The following EEA1 variants were observed in gnomAD, a reference collection of about 807,000 sequenced individuals.
The protein encoded by EEA1 is early endosome antigen 1, 162kD.
In EEA1, 111 loss-of-function variants were observed where a neutral mutation model predicts 209.2. The observed-to-expected ratio is 0.53, with a 90% CI of 0.45 to 0.62. The LOEUF (loss-of-function observed/expected upper bound fraction) is 0.62, where lower values mean the gene tolerates loss of function less well. EEA1 is among the 20% of genes least tolerant of loss of function. The pLI is 0.00. For synonymous variants in EEA1, 536 were observed against 540.6 expected, an observed-to-expected ratio of 0.99 and a Z score of 0.12; for missense variants, 1,343 against 1,530.8, an observed-to-expected ratio of 0.88 and a Z score of 2.05.
chr12:92,782,245 A>G (rs1313962158), intron 22 of EEA1, 110 bp from the exon 23 acceptor site: 4 of 749,720 alleles, frequency 5.3e-6, no homozygotes, highest in Non-Finnish European at 8.0e-6. Context: ...AAAAGATAGC[A>G]TATTATACCC....
intron 1 of EEA1, chr12:92,905,589 G>A (rs1880347051): frequency 6.6e-6 from 1 of 151,900 alleles, no homozygotes. Context: ...TTAGGTGACA[G>A]AGAGACTCTG....
At chr12:92,884,896 C>G (rs1879315383) in intron 2 of EEA1, among the ~76,000 whole-genome samples, 1 of 150,856 alleles carries the variant, frequency 6.6e-6, no homozygotes, top group Admixed American at 6.6e-5. Context: ...AATTGTATAA[C>G]AAGTCATTTT....
At chr12:92,853,082 T>C (rs1877709853) in intron 6 of EEA1, 57 bp from the exon 7 acceptor site, 1 of 1,108,950 alleles carries the variant, frequency 9.0e-7, no homozygotes, top group Non-Finnish European at 1.3e-6. Context: ...TGCTAAATTG[T>C]TATTACTTAT....
Position 92,787,837 on chromosome 12 carries a change from G to A in EEA1, c.3150+30C>T, listed in dbSNP as rs764102445. 5.6e-6 allele frequency: 8 copies of A among 1,428,286 alleles called. No homozygotes were observed. The South Asian group carries it at 1.4e-4, about 25-fold the overall frequency. 88.5% of individuals were successfully genotyped at this position (1,428,286 alleles called of 1,614,324 possible). On this transcript the variant is annotated intron_variant, in intron 22 of 28. Coordinates refer to ENST00000322349, the MANE Select transcript of EEA1 (RefSeq NM_003566.4). The stretch of plus-strand genomic sequence containing the variant: ...AATAAATGTCTATAAAACTTACTGA[G>A]ACTTTATGGTACAGTATAGTTTACT...
At chr12:92,845,623 A>G (rs1877358503) in intron 9 of EEA1, among the ~76,000 whole-genome samples, 1 of 152,006 alleles carries the variant, frequency 6.6e-6, no homozygotes, top group South Asian at 2.1e-4. Flanking sequence ...TTCCCCGACA[A>G]CTCTAAAACT....
chr12:92,830,909 A>G (rs6538360), intron 11 of EEA1, among the ~76,000 whole-genome samples: 145,860 of 152,306 alleles, frequency 0.96, 69,892 homozygotes, highest in East Asian at 1. Flanking sequence ...AGATCAGTTA[A>G]CGGTTGTTAC....
At chr12:92,921,983 C>T (rs1555210126) in intron 1 of EEA1, among the ~76,000 whole-genome samples, 3 of 151,970 alleles carry the variant, frequency 2.0e-5, no homozygotes, top group Non-Finnish European at 1.5e-5. Flanking sequence ...GTCTGTACTC[C>T]CTGTTTCTAT....
In EEA1 at chr12:92,826,306, C is replaced by A; in HGVS notation, c.1405-21G>T. 3 of 1,599,466 alleles carry A rather than the reference C, an allele frequency of 1.9e-6. No homozygotes were observed. The South Asian group carries it at 3.3e-5, about 18-fold the overall frequency. ...TTCAACTTAAAAAAATGTAGATTGTCAATTGAGAACTTAAAGGCATAATGC... is the reference window on the plus strand; with the variant it reads ...TTCAACTTAAAAAAATGTAGATTGTAAATTGAGAACTTAAAGGCATAATGC... On this transcript the variant is annotated intron_variant, in intron 12 of 28. Coordinates refer to ENST00000322349, the MANE Select transcript of EEA1 (RefSeq NM_003566.4).
At chr12:92,904,475 G>A (rs1880285014) in intron 1 of EEA1, among the ~76,000 whole-genome samples, 2 of 152,142 alleles carry the variant, frequency 1.3e-5, no homozygotes, top group Non-Finnish European at 1.5e-5. Context: ...CCAACTGTAT[G>A]TCCCACAATT....
Position 92,775,774 on chromosome 12 carries a change from C to G in EEA1, c.*237G>C, listed in dbSNP as rs1218957503. The G allele has an allele frequency of 2.9e-6, 1 of 350,074 alleles. No homozygotes were observed. Among genetic ancestry groups the G allele is most frequent in the Non-Finnish European group, 5.1e-6 (1 of 195,750 alleles). The allele number at this position is 350,074 out of a possible 1,614,324, so 21.7% of individuals were successfully genotyped here. A position where few individuals can be genotyped will look rare whatever the true frequency, so the allele number is the denominator to read the frequency against. ...TTTCATTGGCTAATTCTAAACTTGG[C>G]ATGAAAGCTATTCCAGGGGCTAAAT... On this transcript the variant is annotated 3_prime_UTR_variant, in exon 29 of 29. Transcript: ENST00000322349.
At chr12:92,791,815 T>C (rs1368154225) in intron 21 of EEA1, among the ~76,000 whole-genome samples, 1 of 152,182 alleles carries the variant, frequency 6.6e-6, no homozygotes, top group African/African-American at 2.4e-5. Flanking sequence ...ATCAACAGAA[T>C]ATACATTCTT....
intron 2 of EEA1, chr12:92,884,714 A>G: frequency 4.2e-6 from 6 of 1,440,930 alleles, no homozygotes; most frequent in Admixed American, 1.7e-5. Context: ...ATTAGGAAAC[A>G]AAGCTTAGCA....
At chr12:92,820,390 T>G (rs4343066) in intron 13 of EEA1, among the ~76,000 whole-genome samples, 145,896 of 152,182 alleles carry the variant, frequency 0.96, 69,986 homozygotes, top group East Asian at 1. Flanking sequence ...GATCAGTCAC[T>G]TTCAAGCATA....
At chr12:92,891,282 C>T (rs1311127411) in intron 2 of EEA1, among the ~76,000 whole-genome samples, 1 of 151,926 alleles carries the variant, frequency 6.6e-6, no homozygotes, top group Non-Finnish European at 1.5e-5. Context: ...TTATAGATAA[C>T]CCAATTTTTC....
At chr12:92,919,854 T>C (rs1206680028) in intron 1 of EEA1, among the ~76,000 whole-genome samples, 19 of 73,696 alleles carry the variant, frequency 2.6e-4, no homozygotes, top group Middle Eastern at 4.0e-3. Context: ...AACCCCATTG[T>C]CTCAGCCCAA....
chr12:92,869,628 C>G (rs901840677), intron 2 of EEA1, among the ~76,000 whole-genome samples: 5 of 150,110 alleles, frequency 3.3e-5, no homozygotes, highest in African/African-American at 4.9e-5. Context: ...TGCTGATGCA[C>G]CCTTGTAGTC....
chr12:92,883,960 GC>G, intron 2 of EEA1: 1 of 1,457,414 alleles, frequency 6.9e-7, no homozygotes. Context: ...CATCACACAT[GC>G]CACTGTGGAG....
intron 10 of EEA1, among the ~76,000 whole-genome samples, chr12:92,834,373 A>C (rs1053470486): frequency 2.0e-5 from 3 of 151,840 alleles, no homozygotes; most frequent in Non-Finnish European, 2.9e-5. Context: ...GCAAGACTCT[A>C]TCTCTACCAA....
At chr12:92,851,386 A>G in intron 8 of EEA1, 120 bp from the exon 9 acceptor site, 2 of 993,360 alleles carry the variant, frequency 2.0e-6, no homozygotes, top group South Asian at 1.6e-5. Context: ...CAATTTTTAG[A>G]CTTCAAACAT....
Sources: gnomAD v4.1 joint callset for allele counts (sites outside exome capture counted in the v4.1 genomes callset) on GRCh38, gnomAD v4.1.1 for gene constraint, MANE v1.5 for transcripts, NCBI Gene and HGNC (gene_info 2026-07-23, HGNC 2026-07-21) for gene names.